Variants in RYR3 observed in about 807,000 individuals in gnomAD.
RYR3 encodes the protein brain ryanodine receptor-calcium release channel.
RYR3 carries 207 observed loss-of-function variants against 584.3 expected under a neutral mutation model. The observed-to-expected ratio is 0.35, with a 90% CI of 0.32 to 0.40. The LOEUF is 0.40. Among genes scored for constraint, RYR3 ranks in the 10% least tolerant of loss-of-function variants. RYR3 has a pLI of 1.00. For synonymous variants in RYR3, 2,416 were observed against 2,248.5 expected, an observed-to-expected ratio of 1.07 and a Z score of -2.11; for missense variants, 5,616 against 6,089.2, an observed-to-expected ratio of 0.92 and a Z score of 2.59.
At chr15:33,427,045 A>C (rs2044708062) in intron 1 of RYR3, among the ~76,000 whole-genome samples, 1 of 152,198 alleles carries the variant, frequency 6.6e-6, no homozygotes, top group South Asian at 2.1e-4. Context: ...ACTTCAACTT[A>C]TGAATTTGGG....
chr15:33,710,596 G>C (rs568096594), intron 43 of RYR3, among the ~76,000 whole-genome samples: 1 of 152,068 alleles, frequency 6.6e-6, no homozygotes, highest in Non-Finnish European at 1.5e-5. Context: ...CACATTTCCC[G>C]TCTGTACTGC....
At chr15:33,859,800 G>T in intron 100 of RYR3, 69 bp downstream of exon 100, 1 of 1,463,928 alleles carries the variant, frequency 6.8e-7, no homozygotes, top group Non-Finnish European at 9.3e-7. Flanking sequence ...TTCCATCTAT[G>T]ACTTAATTGG....
intron 4 of RYR3, among the ~76,000 whole-genome samples, chr15:33,531,443 C>G (rs1396505495): frequency 8.6e-5 from 13 of 151,922 alleles, no homozygotes; most frequent in Non-Finnish European, 1.0e-4. Context: ...AGTGTATCAT[C>G]CTCACTTTCT....
At chr15:33,344,677 G>C (rs1972227130) in intron 1 of RYR3, among the ~76,000 whole-genome samples, 2 of 152,120 alleles carry the variant, frequency 1.3e-5, no homozygotes, top group South Asian at 4.2e-4. Context: ...TAAAACCCCT[G>C]ATGAGTATAA....
chr15:33,660,384 C>T lies in RYR3; in HGVS notation c.4583C>T (p.Pro1528Leu). The change falls in exon 34 of 104, where the codon CCC (proline) becomes CTC (leucine). Residue 1528 changes from proline (P) to leucine (L), a missense_variant. Pro to Leu is a moderately conservative substitution (Grantham distance 98). Transcript: ENST00000634891. ...RHGWVVQCLE[P>L]LQMMALHIPE... ...GGCTGGGTGGTGCAGTGCCTGGAGCCCCTGCAGATGATGGCGCTCCACATC... is the reference window on the plus strand; with the variant it reads ...GGCTGGGTGGTGCAGTGCCTGGAGCTCCTGCAGATGATGGCGCTCCACATC... 2 of 1,582,606 alleles carry T rather than the reference C, an allele frequency of 1.3e-6. No individual in the cohort carries two copies. The highest frequency in any genetic ancestry group is 1.2e-5 in the South Asian group (1 of 86,010).
At chr15:33,369,962 C>T (rs1259389597) in intron 1 of RYR3, among the ~76,000 whole-genome samples, 1 of 152,220 alleles carries the variant, frequency 6.6e-6, no homozygotes, top group East Asian at 1.9e-4. Flanking sequence ...ATATAATGTG[C>T]TAGTGCCTAG....
intron 60 of RYR3, chr15:33,757,902 C>T (rs976430626): frequency 5.7e-5 from 19 of 336,262 alleles, no homozygotes; most frequent in South Asian, 4.3e-4. Flanking sequence ...GCGAGACCAA[C>T]GCAGAAGGAG....
At chr15:33,411,468 T>G (rs760251038) in intron 1 of RYR3, among the ~76,000 whole-genome samples, 4 of 152,200 alleles carry the variant, frequency 2.6e-5, no homozygotes, top group African/African-American at 9.7e-5. Flanking sequence ...GCCACATGGA[T>G]GTGAGACAGA....
At chr15:33,693,518 G>T (rs765627769) in intron 38 of RYR3, among the ~76,000 whole-genome samples, 1 of 152,258 alleles carries the variant, frequency 6.6e-6, no homozygotes, top group Non-Finnish European at 1.5e-5. Context: ...AAGGGAAATC[G>T]AGAAGCATAA....
At chr15:33,797,579 C>G (rs1382044348) in intron 67 of RYR3, among the ~76,000 whole-genome samples, 1 of 152,146 alleles carries the variant, frequency 6.6e-6, no homozygotes, top group East Asian at 1.9e-4. Context: ...GAGCAAATGT[C>G]TGCCTCTTAG....
At position 33,773,114 on chromosome 15, in the gene RYR3, T is replaced by C. The variant is rs141321755; in HGVS notation, c.9056-420T>C. ...AGTCTAGCAGTTGGACGTATCTTCC[T>C]GGGAAATGAGCAAAAGGCTCATTCA... On this transcript the variant is annotated intron_variant, in intron 63 of 103. Coordinates refer to ENST00000634891, the MANE Select transcript of RYR3 (RefSeq NM_001036.6). Among the ~76,000 whole-genome samples the C allele has an allele frequency of 1.6e-4, 24 of 152,350 alleles. No individual in the cohort carries two copies. In the East Asian group the frequency reaches 4.6e-3, roughly 29 times the overall value.
chr15:33,553,152 A>G (rs2056809941), intron 10 of RYR3, among the ~76,000 whole-genome samples: 1 of 152,112 alleles, frequency 6.6e-6, no homozygotes, highest in South Asian at 2.1e-4. Context: ...GAGGGCGAGG[A>G]AGCAGGGTAT....
chr15:33,443,271 A>C (rs991483788), intron 1 of RYR3, among the ~76,000 whole-genome samples: 1 of 151,912 alleles, frequency 6.6e-6, no homozygotes, highest in African/African-American at 2.4e-5. Context: ...AAAAAAAAAA[A>C]AAACCCTGCA....
At chr15:33,522,092 TAAAA>T (rs36044198) in intron 3 of RYR3, among the ~76,000 whole-genome samples, 53 of 114,760 alleles carry the variant, frequency 4.6e-4, no homozygotes, top group Non-Finnish European at 6.7e-4. Context: ...CATCTCTACT[TAAAA>T]AAAAAAAAAA....
chr15:33,585,565 C>A (rs572212093), intron 15 of RYR3, among the ~76,000 whole-genome samples: 2 of 152,130 alleles, frequency 1.3e-5, no homozygotes, highest in Admixed American at 1.3e-4. Context: ...TAGAAAAATT[C>A]TTATTTGGGA....
intron 3 of RYR3, among the ~76,000 whole-genome samples, chr15:33,509,744 A>G (rs1212209838): frequency 6.6e-6 from 1 of 152,072 alleles, no homozygotes. Flanking sequence ...TTTCCTTTGT[A>G]TTCGTTGGTA....
Position 33,796,357 on chromosome 15 carries a change from G to A in RYR3, c.9831-4413G>A, listed in dbSNP as rs191135848. On this transcript the variant is annotated intron_variant, in intron 67 of 103. Transcript: ENST00000634891. ...CCATGTTGGTCAAGCTGGTCTTGAA[G>A]TCCTGACATGAGGCGATTCACCCAC... Among the ~76,000 whole-genome samples the A allele has an allele frequency of 4.9e-3, 742 of 152,116 alleles. 4 individuals are homozygous for A. Among genetic ancestry groups the A allele is most frequent in the Non-Finnish European group, 8.3e-3 (563 of 67,986 alleles).
intron 1 of RYR3, among the ~76,000 whole-genome samples, chr15:33,445,067 A>AGAGT (rs2046519960): frequency 6.6e-6 from 1 of 152,192 alleles, no homozygotes; most frequent in Admixed American, 6.5e-5. Flanking sequence ...ATTTAGCAGA[A>AGAGT]GAGTGGTATG....
At chr15:33,854,135 G>A (rs1052486109) in intron 96 of RYR3, among the ~76,000 whole-genome samples, 4 of 150,664 alleles carry the variant, frequency 2.7e-5, no homozygotes, top group African/African-American at 9.8e-5. Context: ...GGTGGAGGTT[G>A]CAGTAAGCCA....
Sources: allele counts gnomAD v4.1 joint callset (sites outside exome capture counted in the v4.1 genomes callset), GRCh38; gene constraint gnomAD v4.1.1; transcripts MANE v1.5; gene names NCBI Gene and HGNC (gene_info 2026-07-23, HGNC 2026-07-21).